The following PCDH9 variants were observed in gnomAD, a reference collection of about 807,000 sequenced individuals.
The protein encoded by PCDH9 is protocadherin 9, also known as protocadherin-9.
A neutral mutation model predicts 70.6 loss-of-function variants in PCDH9; 24 were observed. The observed-to-expected ratio is 0.34, with a 90% confidence interval of 0.25 to 0.48. The LOEUF (loss-of-function observed/expected upper bound fraction) is 0.48. PCDH9 is among the 20% of genes least tolerant of loss of function. The probability of loss-of-function intolerance (pLI) is 0.99; values close to 1 mark genes in which losing one functional copy is unlikely to be tolerated. For missense variants in PCDH9, 1,281 were observed against 1,503.6 expected (o/e 0.85, Z 2.45); for synonymous variants, 562 against 558.5 (o/e 1.01, Z -0.09).
intron 2 of PCDH9, among the ~76,000 whole-genome samples, chr13:67,141,811 G>T (rs894957898): frequency 2.6e-5 from 4 of 151,702 alleles, no homozygotes; most frequent in South Asian, 4.2e-4. Flanking sequence ...TATTATACAG[G>T]GTAACCATAA....
intron 2 of PCDH9, among the ~76,000 whole-genome samples, chr13:66,984,787 C>CA: frequency 6.6e-6 from 1 of 152,190 alleles, no homozygotes; most frequent in Non-Finnish European, 1.5e-5. Flanking sequence ...AAATAATTTA[C>CA]AAAAACATTT....
chr13:67,000,759 T>A (rs2139819398), intron 2 of PCDH9, among the ~76,000 whole-genome samples: 1 of 152,312 alleles, frequency 6.6e-6, no homozygotes, highest in Non-Finnish European at 1.5e-5. Context: ...TTAATTTCTA[T>A]CCATGCTAAA....
intron 2 of PCDH9, among the ~76,000 whole-genome samples, chr13:67,141,764 A>AG: frequency 7.1e-6 from 1 of 141,318 alleles, no homozygotes; most frequent in East Asian, 2.0e-4. Flanking sequence ...AAAAAAAAAA[A>AG]AAAGAAGTTG....
rs988672167 is a variant in PCDH9, at chr13:66,547,893, ATAT to A, written c.3340+83314_3340+83316del. On this transcript the variant is annotated intron_variant, in intron 4 of 4. Transcript: ENST00000377865. ...TTATATAATAATATGATATTTAATC[ATAT>A]TATTATATAATAATATATTTAATCA... Among the ~76,000 whole-genome samples, 259 of 134,484 alleles carry A rather than the reference ATAT, an allele frequency of 1.9e-3. 1 individual carries two copies. Among genetic ancestry groups the A allele is most frequent in the Non-Finnish European group, 3.1e-3 (190 of 61,420 alleles). The allele number at this position is 134,484 out of a possible 152,430, so 88.2% of individuals were successfully genotyped here. A position where few individuals can be genotyped will look rare whatever the true frequency, so the allele number is the denominator to read the frequency against.
At chr13:66,706,074 C>G (rs892437488) in intron 3 of PCDH9, among the ~76,000 whole-genome samples, 2 of 152,168 alleles carry the variant, frequency 1.3e-5, no homozygotes, top group African/African-American at 4.8e-5. Flanking sequence ...TGTAAATGAG[C>G]AGTCGTTAAT....
At chr13:66,910,606 G>A (rs1343058492) in intron 2 of PCDH9, among the ~76,000 whole-genome samples, 1 of 152,192 alleles carries the variant, frequency 6.6e-6, no homozygotes, top group Non-Finnish European at 1.5e-5. Flanking sequence ...AATTCAGTAA[G>A]TGGATTAAGC....
intron 3 of PCDH9, among the ~76,000 whole-genome samples, chr13:66,738,075 T>A (rs2079185709): frequency 6.6e-6 from 1 of 152,116 alleles, no homozygotes; most frequent in African/African-American, 2.4e-5. Context: ...AGCAGTAACC[T>A]CTGCAGACTT....
At chr13:66,908,603 A>C (rs2082403633) in intron 2 of PCDH9, among the ~76,000 whole-genome samples, 1 of 152,200 alleles carries the variant, frequency 6.6e-6, no homozygotes, top group African/African-American at 2.4e-5. Context: ...AACTAATAAA[A>C]TTTATATTTT....
intron 4 of PCDH9, among the ~76,000 whole-genome samples, chr13:66,307,203 C>T (rs973652331): frequency 6.6e-6 from 1 of 151,938 alleles, no homozygotes; most frequent in Non-Finnish European, 1.5e-5. Flanking sequence ...GGGTTCCGTA[C>T]ATTTGCAAGT....
chr13:66,359,337 C>T (rs1855548), intron 4 of PCDH9, among the ~76,000 whole-genome samples: 146,408 of 152,014 alleles, frequency 0.96, 70,724 homozygotes, highest in East Asian at 1. Context: ...ATAGTTAAAA[C>T]GTAGCACCTG....
intron 4 of PCDH9, among the ~76,000 whole-genome samples, chr13:66,391,883 CATATATATAT>C (rs140840857): frequency 7.0e-6 from 1 of 143,258 alleles, no homozygotes; most frequent in African/African-American, 2.6e-5. Flanking sequence ...GCCATATATG[CATATATATAT>C]ATATATATAT....
chr13:66,932,659 C>CATATATAT (rs199791250), intron 2 of PCDH9, among the ~76,000 whole-genome samples: 66 of 130,350 alleles, frequency 5.1e-4, no homozygotes, highest in Admixed American at 8.9e-4. Flanking sequence ...TAAATCCTCA[C>CATATATAT]ATATATATAT....
chr13:66,365,598 C>G (rs1210329978), intron 4 of PCDH9, among the ~76,000 whole-genome samples: 1 of 152,058 alleles, frequency 6.6e-6, no homozygotes, highest in African/African-American at 2.4e-5. Flanking sequence ...TTCTTGCACT[C>G]TGGTAGTGAT....
chr13:66,312,610 C>CAAA (rs11352387), intron 4 of PCDH9, among the ~76,000 whole-genome samples: 62 of 137,564 alleles, frequency 4.5e-4, no homozygotes, highest in African/African-American at 1.6e-3. Flanking sequence ...GATCCTGCCT[C>CAAA]AAAAAAAAAA....
rs1250423714 is a variant in PCDH9 at position 66,849,484 on chromosome 13, AGG to A, written c.3138+54018_3138+54019del. On this transcript the variant is annotated intron_variant, in intron 3 of 4. Transcript: ENST00000377865. ...TATGACATCTATGACAATCATAGGT[AGG>A]TATATATATATATATATATATATAT... Among the ~76,000 whole-genome samples, 4 of 90,598 alleles carry A rather than the reference AGG, an allele frequency of 4.4e-5. No homozygotes were observed. The East Asian group carries it at 1.3e-3, about 30-fold the overall frequency. The allele number at this position is 90,598 out of a possible 152,430, so 59.4% of individuals were successfully genotyped here.
intron 3 of PCDH9, among the ~76,000 whole-genome samples, chr13:66,877,826 C>T (rs1236762665): frequency 1.3e-5 from 2 of 152,030 alleles, no homozygotes; most frequent in Non-Finnish European, 2.9e-5. Flanking sequence ...GTTAAAATAC[C>T]TTATCTGGCA....
intron 2 of PCDH9, among the ~76,000 whole-genome samples, chr13:67,044,895 A>G (rs2085193208): frequency 6.6e-6 from 1 of 152,184 alleles, no homozygotes; most frequent in South Asian, 2.1e-4. Flanking sequence ...CTAAAAATAC[A>G]AAAGATATGT....
chr13:67,041,859 TA>T (rs2085123384), intron 2 of PCDH9, among the ~76,000 whole-genome samples: 1 of 149,836 alleles, frequency 6.7e-6, no homozygotes, highest in African/African-American at 2.5e-5. Flanking sequence ...AAAAAAGAAA[TA>T]CTGGCTATCC....
intron 4 of PCDH9, among the ~76,000 whole-genome samples, chr13:66,452,891 C>T (rs1457453878): frequency 2.0e-5 from 3 of 151,986 alleles, no homozygotes; most frequent in Non-Finnish European, 4.4e-5. Context: ...TCTCACATGA[C>T]TTCAGTCAAG....
Sources: gnomAD v4.1 joint callset for allele counts (sites outside exome capture counted in the v4.1 genomes callset) on GRCh38, gnomAD v4.1.1 for gene constraint, MANE v1.5 for transcripts, NCBI Gene and HGNC (gene_info 2026-07-23, HGNC 2026-07-21) for gene names.